CPT1A: variants seen among roughly 807,000 people sequenced by gnomAD.
CPT1A encodes carnitine O-palmitoyltransferase 1, liver isoform.
Under a neutral mutation model 100.8 loss-of-function variants are expected in CPT1A, and 64 were observed. The observed-to-expected ratio is 0.63, with a 90% CI of 0.52 to 0.78. CPT1A has a LOEUF of 0.78. Ranked by LOEUF, CPT1A falls within the 30% of genes least tolerant of loss-of-function variation. The probability of loss-of-function intolerance (pLI) is 0.00; values close to 1 mark genes in which losing one functional copy is unlikely to be tolerated. For missense variants in CPT1A, 802 were observed against 1,034.1 expected, an observed-to-expected ratio of 0.78 and a Z score of 3.08; for synonymous variants, 363 against 396.0, an observed-to-expected ratio of 0.92 and a Z score of 0.99.
At chr11:68,765,061 C>T (rs2153995595) in intron 14 of CPT1A, among the ~76,000 whole-genome samples, 1 of 152,356 alleles carries the variant, frequency 6.6e-6, no homozygotes, top group South Asian at 2.1e-4. Context: ...CCTCCTGCTT[C>T]CCATGCTGAT....
intron 1 of CPT1A, among the ~76,000 whole-genome samples, chr11:68,838,364 C>G (rs1040235288): frequency 6.6e-6 from 1 of 151,942 alleles, no homozygotes; most frequent in Admixed American, 6.6e-5. Flanking sequence ...CAACCTTCAC[C>G]TGACATTTGG....
At chr11:68,815,192 G>A in intron 2 of CPT1A, 142 bp downstream of exon 2, 1 of 822,600 alleles carries the variant, frequency 1.2e-6, no homozygotes, top group East Asian at 2.6e-5. Context: ...ATGTGACGGT[G>A]TCCCCAAGCC....
upstream of CPT1A, among the ~76,000 whole-genome samples, chr11:68,842,674 T>C (rs1174206235): frequency 2.0e-5 from 3 of 152,132 alleles, no homozygotes; most frequent in African/African-American, 7.2e-5. Flanking sequence ...GAGGAGTAGC[T>C]GGAGGCCAGG....
intron 4 of CPT1A, among the ~76,000 whole-genome samples, chr11:68,805,327 T>C (rs781596584): frequency 1.3e-5 from 2 of 151,974 alleles, no homozygotes; most frequent in Non-Finnish European, 2.9e-5. Flanking sequence ...GGTGTGTGCC[T>C]GTGGTCCCAG....
intron 12 of CPT1A, 110 bp downstream of exon 12, chr11:68,780,530 C>A: frequency 1.1e-6 from 1 of 878,030 alleles, no homozygotes. Flanking sequence ...GTGATCTGCC[C>A]GCCTCGGCCT....
Position 68,775,331 on chromosome 11 carries a change from C to T in CPT1A, c.1560G>A (p.Trp520Ter). The change falls in exon 13 of 19, where the codon TGG becomes TGA. Residue 520 changes from tryptophan (W) to a stop codon, truncating the protein, a stop_gained. Coordinates refer to ENST00000265641, the MANE Select transcript of CPT1A (RefSeq NM_001876.4). LOFTEE classifies it high-confidence loss of function. ...CCGGACTTACTTCCCCCGGGATGTC[C>T]CACTGCAGCCTGGTGGGGTACGGAA... is the stretch of plus-strand genomic sequence containing the variant. ...PNIPYPTRLQWDIPGECQEVI... is the reference protein window; with the variant it reads ...PNIPYPTRLQ The T allele has an allele frequency of 6.2e-7, 1 of 1,613,716 alleles. No homozygotes were observed. The highest frequency in any genetic ancestry group is 8.5e-7 in the Non-Finnish European group (1 of 1,179,600).
chr11:68,838,572 T>TAAAA lies in CPT1A; in HGVS notation c.-14+3199_-14+3202dup, dbSNP rs1210532617. Among the ~76,000 whole-genome samples the TAAAA allele has an allele frequency of 4.1e-3, 387 of 95,516 alleles. 32 individuals carry two copies. The highest frequency in any genetic ancestry group is 0.018 in the African/African-American group (363 of 19,752). The allele number at this position is 95,516 out of a possible 152,430, so 62.7% of individuals were successfully genotyped here. A position where few individuals can be genotyped will look rare whatever the true frequency, so the allele number is the denominator to read the frequency against. On this transcript the variant is annotated intron_variant, in intron 1 of 18. Transcript: ENST00000265641. Reference sequence around the variant, plus strand: ...ACTCTACTCTGTATCTGCACCTTTTTAAAAAAAAAAAAAAAAAAACAGAGA... The same window carrying TAAAA: ...ACTCTACTCTGTATCTGCACCTTTTTAAAAAAAAAAAAAAAAAAAAAAACAGAGA...
intron 5 of CPT1A, among the ~76,000 whole-genome samples, chr11:68,802,223 T>A (rs1242984380): frequency 6.6e-6 from 1 of 152,086 alleles, no homozygotes; most frequent in Non-Finnish European, 1.5e-5. Context: ...ATAAATGTAC[T>A]TAGTGCCCCT....
chr11:68,827,009 T>TG (rs1856750022), intron 1 of CPT1A, among the ~76,000 whole-genome samples: 1 of 150,092 alleles, frequency 6.7e-6, no homozygotes, highest in African/African-American at 2.5e-5. Context: ...GGAGGAGGAG[T>TG]GGGGGTGAGG....
intron 1 of CPT1A, among the ~76,000 whole-genome samples, chr11:68,820,839 CAGT>C (rs1856563657): frequency 6.6e-6 from 1 of 152,184 alleles, no homozygotes; most frequent in African/African-American, 2.4e-5. Flanking sequence ...AGTTACTACA[CAGT>C]AGTACTACAC....
intron 14 of CPT1A, among the ~76,000 whole-genome samples, chr11:68,766,920 C>A (rs1195733290): frequency 6.6e-6 from 1 of 152,102 alleles, no homozygotes; most frequent in African/African-American, 2.4e-5. Context: ...TGTAACAAAG[C>A]AAGAGTTGGG....
chr11:68,820,868 A>G (rs1028470367), intron 1 of CPT1A, among the ~76,000 whole-genome samples: 4 of 152,130 alleles, frequency 2.6e-5, no homozygotes, highest in African/African-American at 7.2e-5. Flanking sequence ...AACACCTCGT[A>G]TACACATCTG....
At chr11:68,782,044 G>A in intron 10 of CPT1A, 85 bp from the exon 11 acceptor site, 1 of 1,320,608 alleles carries the variant, frequency 7.6e-7, no homozygotes, top group South Asian at 1.2e-5. Context: ...TCAAACCTTT[G>A]CAGTTTTTCA....
At chr11:68,820,984 C>T (rs1449928361) in intron 1 of CPT1A, among the ~76,000 whole-genome samples, 2 of 152,144 alleles carry the variant, frequency 1.3e-5, no homozygotes, top group African/African-American at 4.8e-5. Flanking sequence ...AAATAACCTA[C>T]ACACATCCTC....
chr11:68,782,971 C>T (rs887963822), intron 10 of CPT1A, among the ~76,000 whole-genome samples: 12 of 152,304 alleles, frequency 7.9e-5, no homozygotes, highest in South Asian at 2.1e-4. Context: ...CCCGCGGCGC[C>T]GGCTCAGGCT....
chr11:68,761,237 A>G (rs984975238), intron 16 of CPT1A, among the ~76,000 whole-genome samples: 1 of 149,322 alleles, frequency 6.7e-6, no homozygotes, highest in African/African-American at 2.5e-5. Flanking sequence ...TTTAAAACAA[A>G]GGTGGTACGC....
At chr11:68,760,094 G>T in intron 17 of CPT1A, 131 bp downstream of exon 17, 1 of 706,870 alleles carries the variant, frequency 1.4e-6, no homozygotes. Flanking sequence ...GCAATGATCA[G>T]CAGTAATTCC....
In CPT1A at chr11:68,789,531, G is replaced by A. The variant is rs564639736; in HGVS notation, c.967+3784C>T. On this transcript the variant is annotated intron_variant, in intron 9 of 18. Coordinates refer to ENST00000265641, the MANE Select transcript of CPT1A (RefSeq NM_001876.4). ...CCTGCCTCAGCCTCCTGAGTAGCAG[G>A]GATTACAGACATCTGCTATCACGCC... is the stretch of plus-strand genomic sequence containing the variant. 3.9e-5 allele frequency among the ~76,000 whole-genome samples: 6 copies of A among 152,202 alleles called. 1 individual carries two copies. The Middle Eastern group carries it at 0.01, about 259-fold the overall frequency.
chr11:68,840,633 T>C (rs1368641807), intron 1 of CPT1A, among the ~76,000 whole-genome samples: 1 of 152,256 alleles, frequency 6.6e-6, no homozygotes, highest in Non-Finnish European at 1.5e-5. Context: ...GATTTTTAAC[T>C]CTCTGAGTTG....
Sources: gnomAD v4.1 joint callset for allele counts (sites outside exome capture counted in the v4.1 genomes callset) on GRCh38, gnomAD v4.1.1 for gene constraint, MANE v1.5 for transcripts, NCBI Gene and HGNC (gene_info 2026-07-23, HGNC 2026-07-21) for gene names.